The following ERCC6L2 variants were observed in gnomAD, a reference collection of about 807,000 sequenced individuals.
ERCC6L2 encodes ERCC excision repair 6 like 2, also known as DNA excision repair protein ERCC-6-like 2.
Under a neutral mutation model 132.0 loss-of-function variants are expected in ERCC6L2, and 77 were observed. That is an observed-to-expected ratio of 0.58 (90% CI 0.49 to 0.71). The LOEUF (loss-of-function observed/expected upper bound fraction) is 0.71. Among genes scored for constraint, ERCC6L2 ranks in the 30% least tolerant of loss-of-function variants. The pLI is 0.00. For missense variants in ERCC6L2, 1,542 were observed against 1,837.6 expected (o/e 0.84, Z 2.94); for synonymous variants, 583 against 632.4 (o/e 0.92, Z 1.17).
intron 20 of ERCC6L2, among the ~76,000 whole-genome samples, chr9:96,039,656 G>A (rs1253883572): frequency 6.6e-6 from 1 of 152,136 alleles, no homozygotes. Flanking sequence ...GTGGCCTCTT[G>A]GGGTGGCTTG....
chr9:95,949,180 A>T (rs377108565), intron 12 of ERCC6L2, among the ~76,000 whole-genome samples: 4 of 152,204 alleles, frequency 2.6e-5, no homozygotes, highest in East Asian at 1.9e-4. Flanking sequence ...AAAATTATTT[A>T]ATCTGAGGAG....
intron 19 of ERCC6L2, among the ~76,000 whole-genome samples, chr9:96,031,320 G>A (rs1377053435): frequency 1.3e-5 from 2 of 152,154 alleles, no homozygotes; most frequent in Non-Finnish European, 2.9e-5. Flanking sequence ...TGTTTTTTAA[G>A]GAACAGTGGT....
rs1834088737 is a variant in ERCC6L2, at chr9:96,013,044, A to C, written c.4494A>C (p.Val1498=). 1 of 1,367,704 alleles carries C rather than the reference A, an allele frequency of 7.3e-7. No homozygotes were observed. The allele number at this position is 1,367,704 out of a possible 1,614,324, so 84.7% of individuals were successfully genotyped here. The change falls in exon 19 of 19, where the codon GTA becomes GTC. Residue 1498 remains valine, a synonymous_variant. Transcript: ENST00000653738. ...TTAGTAAACTCACAGACTTGGCAGT[A>C]ATAGAGACTCTGTGTGAAAAAGCAC... ...ESLSKLTDLA[V]IETLCEKAPL... is the part of the protein sequence containing the mutation.
At chr9:95,938,340 G>A (rs1345945213) in intron 11 of ERCC6L2, among the ~76,000 whole-genome samples, 2 of 152,040 alleles carry the variant, frequency 1.3e-5, no homozygotes, top group East Asian at 3.9e-4. Flanking sequence ...GCTGTTCTAG[G>A]TGGAGTGTTC....
chr9:95,915,403 T>G (rs1829534529), intron 4 of ERCC6L2, among the ~76,000 whole-genome samples: 1 of 152,238 alleles, frequency 6.6e-6, no homozygotes, highest in African/African-American at 2.4e-5. Context: ...TCCTTTATTG[T>G]CATTTCAGTG....
intron 1 of ERCC6L2, 113 bp from the exon 2 acceptor site, chr9:95,880,756 G>C (rs1299725158): frequency 1.2e-6 from 1 of 863,574 alleles, no homozygotes; most frequent in Non-Finnish European, 1.8e-6. Context: ...TCTTGTTCCA[G>C]TTTTTTGGAA....
intron 19 of ERCC6L2, among the ~76,000 whole-genome samples, chr9:96,025,437 T>A (rs1834347676): frequency 2.6e-5 from 4 of 152,180 alleles, no homozygotes; most frequent in Admixed American, 2.6e-4. Context: ...GCGGTGGGGC[T>A]CAGGTTCAGT....
chr9:95,919,140 C>T (rs1293951512), intron 6 of ERCC6L2, among the ~76,000 whole-genome samples: 1 of 151,990 alleles, frequency 6.6e-6, no homozygotes, highest in East Asian at 1.9e-4. Context: ...GGATTACAGG[C>T]GTGAGCCACC....
intron 1 of ERCC6L2, among the ~76,000 whole-genome samples, chr9:95,878,017 G>GCT (rs1827381082): frequency 1.3e-5 from 2 of 152,288 alleles, no homozygotes; most frequent in South Asian, 4.1e-4. Flanking sequence ...ATAAAATGAT[G>GCT]AGATAGAGAA....
chr9:95,875,987 G>T lies in ERCC6L2; in HGVS notation c.-52G>T, dbSNP rs746429736. ...CCGGCCAGCCACCTTGCTGTCCTCC[G>T]CCGCCTTCCGGGTGTTACATGCAGC... is the stretch of plus-strand genomic sequence containing the variant. On this transcript the variant is annotated 5_prime_UTR_variant, in exon 1 of 19. Transcript: ENST00000653738. The T allele has an allele frequency of 6.4e-7, 1 of 1,552,998 alleles. No homozygotes were observed. The highest frequency in any genetic ancestry group is 1.9e-5 in the Admixed American group (1 of 52,708).
rs563403328 is a variant in ERCC6L2, at chr9:95,923,193, A to T, written c.1414-67A>T. On this transcript the variant is annotated intron_variant, in intron 8 of 18. Transcript: ENST00000653738. ...CTAAAAAGAATTTTTTTCATAAATTATTTCAATTTATACAGGTTTGAATGT... is the reference window on the plus strand; with the variant it reads ...CTAAAAAGAATTTTTTTCATAAATTTTTTCAATTTATACAGGTTTGAATGT... 5 of 1,511,330 alleles carry T rather than the reference A, an allele frequency of 3.3e-6. No individual in the cohort carries two copies. In the South Asian group the frequency reaches 5.3e-5, roughly 16 times the overall value. The allele number at this position is 1,511,330 out of a possible 1,614,324, so 93.6% of individuals were successfully genotyped here. A position where few individuals can be genotyped will look rare whatever the true frequency, so the allele number is the denominator to read the frequency against.
chr9:95,969,388 C>T (rs571472221), intron 14 of ERCC6L2, among the ~76,000 whole-genome samples: 3 of 152,108 alleles, frequency 2.0e-5, no homozygotes, highest in African/African-American at 7.2e-5. Context: ...GAGATGATGT[C>T]GGCTTGAGCC....
intron 19 of ERCC6L2, among the ~76,000 whole-genome samples, chr9:96,030,844 T>A (rs1476502155): frequency 6.6e-6 from 1 of 152,162 alleles, no homozygotes; most frequent in Non-Finnish European, 1.5e-5. Flanking sequence ...ACCTCATGTA[T>A]TCAAGCCATC....
intron 12 of ERCC6L2, among the ~76,000 whole-genome samples, chr9:95,952,068 T>G (rs900552737): frequency 1.4e-5 from 2 of 145,212 alleles, no homozygotes; most frequent in African/African-American, 5.2e-5. Flanking sequence ...CTCGGGAGGC[T>G]GAGGCAGGAG....
Position 95,881,299 on chromosome 9 carries a change from T to G in ERCC6L2, c.471+6T>G. 1 of 1,542,222 alleles carries G rather than the reference T, an allele frequency of 6.5e-7. No homozygotes were observed. The highest frequency in any genetic ancestry group is 8.7e-7 in the Non-Finnish European group (1 of 1,150,906). ...GACTTGGAAAAACAGTACAGGTATT[T>G]AATTATGTTATAACAGTAAAGTCAC... On this transcript the variant is annotated splice_donor_region_variant and intron_variant, in intron 2 of 18. Coordinates refer to ENST00000653738, the MANE Select transcript of ERCC6L2 (RefSeq NM_020207.7).
intron 4 of ERCC6L2, among the ~76,000 whole-genome samples, chr9:95,907,503 C>G (rs1829106172): frequency 6.6e-6 from 1 of 151,508 alleles, no homozygotes; most frequent in Non-Finnish European, 1.5e-5. Context: ...CCGTGCCAAG[C>G]CTATATTGTG....
chr9:95,963,319 T>C (rs1832000288), intron 13 of ERCC6L2, among the ~76,000 whole-genome samples: 1 of 152,080 alleles, frequency 6.6e-6, no homozygotes, highest in Non-Finnish European at 1.5e-5. Context: ...GCCATTATCT[T>C]TATTCTTTTT....
intron 6 of ERCC6L2, among the ~76,000 whole-genome samples, chr9:95,917,928 C>A (rs1829676472): frequency 6.6e-6 from 1 of 152,108 alleles, no homozygotes; most frequent in Non-Finnish European, 1.5e-5. Context: ...ACTGAAGATA[C>A]CTTTGTACTT....
At chr9:95,984,280 A>T (rs1833007296) in intron 17 of ERCC6L2, among the ~76,000 whole-genome samples, 1 of 149,174 alleles carries the variant, frequency 6.7e-6, no homozygotes, top group Non-Finnish European at 1.5e-5. Context: ...TATGTATATG[A>T]TATACATGTT....
Sources: gnomAD v4.1 joint callset for allele counts (sites outside exome capture counted in the v4.1 genomes callset) on GRCh38, gnomAD v4.1.1 for gene constraint, MANE v1.5 for transcripts, NCBI Gene and HGNC (gene_info 2026-07-23, HGNC 2026-07-21) for gene names.